Variants in RNGTT observed in about 807,000 individuals in gnomAD.
RNGTT encodes the protein mRNA-capping enzyme.
A neutral mutation model predicts 79.3 loss-of-function variants in RNGTT; 33 were observed. The observed-to-expected ratio is 0.42, with a 90% CI of 0.32 to 0.56. RNGTT has a LOEUF of 0.56. Ranked by LOEUF, RNGTT falls within the 20% of genes least tolerant of loss-of-function variation. The pLI is 0.17. For missense variants in RNGTT, 497 were observed against 739.1 expected, an observed-to-expected ratio of 0.67 and a Z score of 3.80; for synonymous variants, 222 against 235.9, an observed-to-expected ratio of 0.94 and a Z score of 0.54.
At chr6:88,781,488 T>C (rs1198822867) in intron 12 of RNGTT, among the ~76,000 whole-genome samples, 2 of 150,830 alleles carry the variant, frequency 1.3e-5, no homozygotes. Context: ...TCCTAGACAG[T>C]AATGCTACTA....
intron 8 of RNGTT, among the ~76,000 whole-genome samples, chr6:88,859,786 C>T (rs1257115471): frequency 6.6e-6 from 1 of 152,120 alleles, no homozygotes; most frequent in Non-Finnish European, 1.5e-5. Context: ...CTTACAGAAA[C>T]TGGGAATAAG....
At chr6:88,887,080 CT>C (rs1782887576) in intron 8 of RNGTT, among the ~76,000 whole-genome samples, 1 of 143,402 alleles carries the variant, frequency 7.0e-6, no homozygotes, top group Admixed American at 6.9e-5. Context: ...AGCCACTCTA[CT>C]TACTGTTATC....
At chr6:88,736,657 T>C (rs1408581759) in intron 13 of RNGTT, among the ~76,000 whole-genome samples, 2 of 152,208 alleles carry the variant, frequency 1.3e-5, no homozygotes, top group Non-Finnish European at 2.9e-5. Context: ...TGTCTGTTCA[T>C]ATTTCAAAAG....
chr6:88,907,324 A>G (rs1447778788), intron 4 of RNGTT, among the ~76,000 whole-genome samples: 1 of 152,188 alleles, frequency 6.6e-6, no homozygotes, highest in Admixed American at 6.5e-5. Flanking sequence ...TTCTTGTGAT[A>G]GTGAGTGAGT....
intron 13 of RNGTT, among the ~76,000 whole-genome samples, chr6:88,726,029 G>C (rs1776889855): frequency 6.6e-6 from 1 of 151,920 alleles, no homozygotes; most frequent in Middle Eastern, 3.4e-3. Flanking sequence ...GAGAGAGACA[G>C]AGAGTCAAAG....
At chr6:88,809,368 G>A (rs1780061810) in intron 11 of RNGTT, among the ~76,000 whole-genome samples, 1 of 152,058 alleles carries the variant, frequency 6.6e-6, no homozygotes, top group Non-Finnish European at 1.5e-5. Flanking sequence ...ATCTTGAAAA[G>A]ACTTACAGAA....
intron 12 of RNGTT, among the ~76,000 whole-genome samples, chr6:88,801,039 T>C (rs889083263): frequency 6.6e-6 from 1 of 152,194 alleles, no homozygotes; most frequent in Non-Finnish European, 1.5e-5. Context: ...ACTTCAAATA[T>C]ATGATTCGAC....
chr6:88,712,956 T>A (rs150871797), intron 13 of RNGTT, among the ~76,000 whole-genome samples: 305 of 152,346 alleles, frequency 2.0e-3, no homozygotes, highest in Middle Eastern at 6.8e-3. Context: ...AATCAACATA[T>A]TTAGCAGAAT....
rs187367539 is a variant in RNGTT, at chr6:88,686,912, T to G, written c.1440-8493A>C. On this transcript the variant is annotated intron_variant, in intron 13 of 15. Coordinates refer to ENST00000369485, the MANE Select transcript of RNGTT (RefSeq NM_003800.5). ...GTATTAAAAGAAAACCTGAGTAAAT[T>G]CCTCTTCAATCTTGATATAACAAGG... Among the ~76,000 whole-genome samples the G allele has an allele frequency of 5.8e-4, 88 of 152,066 alleles. 2 individuals carry two copies. The highest frequency in any genetic ancestry group is 2.1e-3 in the African/African-American group (85 of 41,452).
intron 8 of RNGTT, among the ~76,000 whole-genome samples, chr6:88,863,478 C>T (rs576770287): frequency 9.2e-5 from 14 of 152,046 alleles, no homozygotes; most frequent in South Asian, 2.1e-4. Context: ...ATTTTGAAGA[C>T]GTAGAGATAC....
intron 14 of RNGTT, among the ~76,000 whole-genome samples, chr6:88,615,317 C>G (rs1038462302): frequency 2.6e-5 from 4 of 152,162 alleles, no homozygotes; most frequent in African/African-American, 9.7e-5. Flanking sequence ...TTCACTACCA[C>G]CTAGGAATAT....
intron 12 of RNGTT, among the ~76,000 whole-genome samples, chr6:88,780,407 T>C (rs907550899): frequency 1.3e-5 from 2 of 152,152 alleles, no homozygotes; most frequent in Non-Finnish European, 2.9e-5. Flanking sequence ...AATAAGCCTT[T>C]TAGAAATAAA....
chr6:88,946,034 G>T (rs756730227), intron 1 of RNGTT, among the ~76,000 whole-genome samples: 29 of 152,188 alleles, frequency 1.9e-4, no homozygotes, highest in South Asian at 4.1e-4. Flanking sequence ...GTTTATGAGA[G>T]AAACTAGTAT....
At chr6:88,628,706 A>T (rs1772729520) in intron 14 of RNGTT, among the ~76,000 whole-genome samples, 1 of 152,296 alleles carries the variant, frequency 6.6e-6, no homozygotes, top group East Asian at 1.9e-4. Flanking sequence ...ATAATGAGGA[A>T]ATTAAGAATG....
At chr6:88,818,160 G>C (rs988378721) in intron 11 of RNGTT, among the ~76,000 whole-genome samples, 2 of 152,148 alleles carry the variant, frequency 1.3e-5, no homozygotes, top group Admixed American at 1.3e-4. Context: ...ATCAGGTTGA[G>C]CATTATGTGC....
At chr6:88,919,707 CTTTTTT>C (rs5878082) in intron 4 of RNGTT, among the ~76,000 whole-genome samples, 6 of 58,480 alleles carry the variant, frequency 1.0e-4, no homozygotes, top group African/African-American at 3.3e-4. Flanking sequence ...GTCAGTAGTT[CTTTTTT>C]TTTTTTTTTT....
At chr6:88,665,916 G>A (rs951361294) in intron 14 of RNGTT, among the ~76,000 whole-genome samples, 1 of 152,238 alleles carries the variant, frequency 6.6e-6, no homozygotes, top group African/African-American at 2.4e-5. Context: ...AGAAAGCTCA[G>A]ATCTGCAGAC....
intron 13 of RNGTT, among the ~76,000 whole-genome samples, chr6:88,691,383 G>T (rs1254181235): frequency 6.6e-6 from 1 of 151,974 alleles, no homozygotes; most frequent in African/African-American, 2.4e-5. Context: ...AAATTACCCA[G>T]TCTTAGGTAG....
intron 13 of RNGTT, among the ~76,000 whole-genome samples, chr6:88,698,105 T>A (rs1316284193): frequency 3.2e-5 from 3 of 94,306 alleles, no homozygotes; most frequent in South Asian, 2.9e-4. Context: ...GAAATACATA[T>A]ATATGATATA....
Sources: allele counts gnomAD v4.1 joint callset (sites outside exome capture counted in the v4.1 genomes callset), GRCh38; gene constraint gnomAD v4.1.1; transcripts MANE v1.5; gene names NCBI Gene and HGNC (gene_info 2026-07-23, HGNC 2026-07-21).